Variants in KICS2 observed in about 807,000 individuals in gnomAD.
KICS2 encodes KICSTOR complex protein C12orf66.
Under a neutral mutation model 31.4 loss-of-function variants are expected in KICS2, and 13 were observed. The ratio of observed to expected loss-of-function variants is 0.41; its 90% CI spans 0.27 to 0.66. The LOEUF is 0.66. Ranked by LOEUF, KICS2 falls within the 30% of genes least tolerant of loss-of-function variation. The probability of loss-of-function intolerance (pLI) is 0.28; values close to 1 mark genes in which losing one functional copy is unlikely to be tolerated. For missense variants in KICS2, 455 were observed against 545.4 expected (o/e 0.83, Z 1.65); for synonymous variants, 209 against 214.8 (o/e 0.97, Z 0.24).
chr12:64,219,499 T>C (rs78211487), intron 1 of KICS2, among the ~76,000 whole-genome samples: 1,861 of 152,294 alleles, frequency 0.012, 31 homozygotes, highest in East Asian at 0.042. Context: ...CTAAAGGCCC[T>C]GCTTGCTTCT....
chr12:64,198,797 A>C lies in KICS2; in HGVS notation c.522-4139T>G, dbSNP rs1416969984. Among the ~76,000 whole-genome samples the C allele has an allele frequency of 4.9e-5, 7 of 141,716 alleles. No individual in the cohort carries two copies. In the East Asian group the frequency reaches 1.5e-3, roughly 31 times the overall value. The allele number at this position is 141,716 out of a possible 152,430, so 93.0% of individuals were successfully genotyped here. A position where few individuals can be genotyped will look rare whatever the true frequency, so the allele number is the denominator to read the frequency against. ...CACCACTGATCCCACAGAAATACAA[A>C]CTACCATCAGAGAATACTACAAACA... On this transcript the variant is annotated intron_variant, in intron 2 of 2. Coordinates refer to ENST00000398055, the MANE Select transcript of KICS2 (RefSeq NM_152440.5).
intron 2 of KICS2, among the ~76,000 whole-genome samples, chr12:64,212,888 G>A (rs769533609): frequency 6.6e-6 from 1 of 152,032 alleles, no homozygotes; most frequent in Non-Finnish European, 1.5e-5. Flanking sequence ...TCAGGAGTTT[G>A]AGACCAGCCT....
downstream of KICS2, among the ~76,000 whole-genome samples, chr12:64,189,026 G>A (rs2037360407): frequency 6.6e-6 from 1 of 152,082 alleles, no homozygotes; most frequent in Non-Finnish European, 1.5e-5. Flanking sequence ...GGTGGCACGT[G>A]CCTGTAGTCC....
chr12:64,195,906 G>A (rs1413677473), intron 2 of KICS2, among the ~76,000 whole-genome samples: 2 of 152,174 alleles, frequency 1.3e-5, no homozygotes, highest in Non-Finnish European at 2.9e-5. Context: ...CTTAAAAAAC[G>A]GCGCACCACG....
At chr12:64,205,806 C>T (rs560429058) in intron 2 of KICS2, among the ~76,000 whole-genome samples, 2 of 62,270 alleles carry the variant, frequency 3.2e-5, no homozygotes, top group Non-Finnish European at 7.7e-5. Context: ...GGCAGGTTCG[C>T]TCCATAGAAT....
downstream of KICS2, among the ~76,000 whole-genome samples, chr12:64,188,263 G>A (rs572965475): frequency 9.2e-5 from 14 of 152,172 alleles, no homozygotes; most frequent in African/African-American, 2.4e-4. Context: ...AGTGGCTCAC[G>A]TCTGTAATCC....
intron 2 of KICS2, among the ~76,000 whole-genome samples, chr12:64,196,076 C>G (rs554120824): frequency 6.6e-6 from 1 of 152,346 alleles, no homozygotes; most frequent in Admixed American, 6.5e-5. Flanking sequence ...CAGCGGGCAG[C>G]TCCAACTGGG....
chr12:64,220,458 T>A (rs962840759), intron 1 of KICS2, among the ~76,000 whole-genome samples: 50 of 152,076 alleles, frequency 3.3e-4, no homozygotes, highest in African/African-American at 1.1e-3. Context: ...CCACTCAGGT[T>A]ATACGCAAAA....
chr12:64,187,646 C>T, downstream of KICS2: 1 of 1,535,620 alleles, frequency 6.5e-7, no homozygotes, highest in Non-Finnish European at 8.7e-7. Context: ...GCATTGGTAA[C>T]AGGAACCTGG....
intron 2 of KICS2, among the ~76,000 whole-genome samples, chr12:64,209,894 C>A (rs1046972798): frequency 1.3e-5 from 2 of 152,190 alleles, no homozygotes; most frequent in African/African-American, 4.8e-5. Context: ...CTGGGACATT[C>A]CCTGAAAGAT....
chr12:64,202,666 C>A (rs1345452670), intron 2 of KICS2, among the ~76,000 whole-genome samples: 1 of 148,180 alleles, frequency 6.7e-6, no homozygotes, highest in African/African-American at 2.5e-5. Flanking sequence ...TTGATATTTT[C>A]TAATATATAT....
intron 1 of KICS2, among the ~76,000 whole-genome samples, chr12:64,217,734 G>C (rs910001571): frequency 6.6e-6 from 1 of 152,022 alleles, no homozygotes; most frequent in Non-Finnish European, 1.5e-5. Context: ...CAGGGAGGCA[G>C]AGGCTGCAGC....
At chr12:64,220,289 G>C (rs2037668600) in intron 1 of KICS2, among the ~76,000 whole-genome samples, 1 of 152,152 alleles carries the variant, frequency 6.6e-6, no homozygotes, top group Non-Finnish European at 1.5e-5. Flanking sequence ...CCACTTTACA[G>C]AACCCAAGTC....
At chr12:64,221,195 G>A (rs924964836) in intron 1 of KICS2, among the ~76,000 whole-genome samples, 8 of 152,012 alleles carry the variant, frequency 5.3e-5, no homozygotes, top group African/African-American at 1.9e-4. Flanking sequence ...ATTCACATCA[G>A]ACCTCACGCT....
At chr12:64,205,720 G>A (rs922500223) in intron 2 of KICS2, among the ~76,000 whole-genome samples, 13 of 129,066 alleles carry the variant, frequency 1.0e-4, no homozygotes, top group African/African-American at 3.1e-4. Flanking sequence ...AAGGAAGGGA[G>A]GGAGGGAGGA....
Position 64,193,818 on chromosome 12 carries a change from A to G in KICS2, c.*24T>C, listed in dbSNP as rs766529334. 1.6e-4 allele frequency: 254 copies of G among 1,593,554 alleles called. 1 individual carries two copies. The highest frequency in any genetic ancestry group is 2.1e-4 in the Non-Finnish European group (240 of 1,170,314). The stretch of plus-strand genomic sequence containing the variant: ...CAATTAAGAACAGTTTCTAGTCTTG[A>G]AACCCCTCCACGCAAATCACCTGCT... On this transcript the variant is annotated 3_prime_UTR_variant, in exon 3 of 3. Coordinates refer to ENST00000398055, the MANE Select transcript of KICS2 (RefSeq NM_152440.5).
intron 2 of KICS2, among the ~76,000 whole-genome samples, chr12:64,207,531 C>T (rs1201136494): frequency 2.6e-5 from 4 of 152,112 alleles, no homozygotes; most frequent in South Asian, 2.1e-4. Context: ...TAACTTGCTT[C>T]GGCCAAAGAG....
chr12:64,205,702 A>T, intron 2 of KICS2, among the ~76,000 whole-genome samples: 1 of 130,078 alleles, frequency 7.7e-6, no homozygotes. Context: ...GGAAGGAAAA[A>T]GGGAAGGAAG....
At chr12:64,215,047 TG>T (rs1379501297) in intron 2 of KICS2, among the ~76,000 whole-genome samples, 2 of 152,050 alleles carry the variant, frequency 1.3e-5, no homozygotes, top group African/African-American at 4.8e-5. Flanking sequence ...GGCTCAGGCC[TG>T]TAATCCCAGC....
Sources: allele counts gnomAD v4.1 joint callset (sites outside exome capture counted in the v4.1 genomes callset), GRCh38; gene constraint gnomAD v4.1.1; transcripts MANE v1.5; gene names NCBI Gene and HGNC (gene_info 2026-07-23, HGNC 2026-07-21).